Variants in SOBP observed in about 807,000 individuals in gnomAD.
SOBP encodes the protein sine oculis-binding protein homolog.
Under a neutral mutation model 53.6 loss-of-function variants are expected in SOBP, and 4 were observed. The observed-to-expected ratio is 0.07, with a 90% CI of 0.04 to 0.17. The LOEUF is 0.17. SOBP is among the 10% of genes least tolerant of loss of function. The pLI, the probability that SOBP is intolerant of heterozygous loss-of-function variation, is 1.00. For missense variants in SOBP, 1,088 were observed against 1,204.7 expected (o/e 0.90, Z 1.43); for synonymous variants, 584 against 522.6 (o/e 1.12, Z -1.60).
intron 3 of SOBP, among the ~76,000 whole-genome samples, chr6:107,512,519 T>C (rs1783199951): frequency 6.6e-6 from 1 of 152,214 alleles, no homozygotes; most frequent in African/African-American, 2.4e-5. Context: ...ACAAAGGCCT[T>C]ATAATGGTCT....
chr6:107,502,807 C>G (rs1479924097), intron 1 of SOBP, among the ~76,000 whole-genome samples: 1 of 152,174 alleles, frequency 6.6e-6, no homozygotes, highest in African/African-American at 2.4e-5. Context: ...GTTGCCCAGG[C>G]TGGAGTGCAG....
At chr6:107,496,769 T>G (rs1347511385) in intron 1 of SOBP, among the ~76,000 whole-genome samples, 1 of 152,184 alleles carries the variant, frequency 6.6e-6, no homozygotes, top group East Asian at 1.9e-4. Context: ...GGGTCATCTG[T>G]GGGGGTGGCT....
rs200681158 is a variant in SOBP at position 107,509,406 on chromosome 6, A to C, written c.421+2979A>C. Among the ~76,000 whole-genome samples the C allele has an allele frequency of 9.1e-3, 1,379 of 151,778 alleles. 26 individuals carry two copies. The highest frequency in any genetic ancestry group is 0.019 in the African/African-American group (779 of 41,442). On this transcript the variant is annotated intron_variant, in intron 3 of 6. Transcript: ENST00000317357. ...TGAAACTCCTGTCTCAAAAAAAAAA[A>C]AAAACAAAACAAAAAAGAAAATGTG... is the stretch of plus-strand genomic sequence containing the variant.
intron 3 of SOBP, among the ~76,000 whole-genome samples, chr6:107,526,614 G>A (rs1286551034): frequency 1.3e-5 from 2 of 152,140 alleles, no homozygotes; most frequent in Non-Finnish European, 2.9e-5. Context: ...CATAAAATGA[G>A]CCACACACCT....
At chr6:107,507,702 G>T (rs1189534273) in intron 3 of SOBP, among the ~76,000 whole-genome samples, 3 of 152,126 alleles carry the variant, frequency 2.0e-5, no homozygotes, top group African/African-American at 7.2e-5. Flanking sequence ...GTGGCCCAGG[G>T]AAGCCCAAAG....
At chr6:107,609,194 ATTG>A (rs1286075837) in intron 5 of SOBP, among the ~76,000 whole-genome samples, 1 of 152,300 alleles carries the variant, frequency 6.6e-6, no homozygotes, top group South Asian at 2.1e-4. Context: ...TAGATGTACT[ATTG>A]TTGTAGTATC....
intron 5 of SOBP, among the ~76,000 whole-genome samples, chr6:107,616,555 C>T (rs1786797881): frequency 6.6e-6 from 1 of 152,136 alleles, no homozygotes; most frequent in Non-Finnish European, 1.5e-5. Context: ...CACTTTGAAT[C>T]TTACATCTTT....
intron 4 of SOBP, among the ~76,000 whole-genome samples, chr6:107,569,050 G>T (rs988662286): frequency 6.6e-6 from 1 of 152,120 alleles, no homozygotes; most frequent in Non-Finnish European, 1.5e-5. Context: ...AAATCTATTT[G>T]GGGGGCAGGT....
intron 5 of SOBP, among the ~76,000 whole-genome samples, chr6:107,596,768 C>G (rs1785961589): frequency 6.6e-6 from 1 of 152,142 alleles, no homozygotes; most frequent in African/African-American, 2.4e-5. Context: ...CTCAATAAAA[C>G]AAGCTATAGA....
chr6:107,494,973 C>CAG (rs1163584963), intron 1 of SOBP, among the ~76,000 whole-genome samples: 1 of 152,118 alleles, frequency 6.6e-6, no homozygotes, highest in Admixed American at 6.5e-5. Context: ...AGAGAGAAAT[C>CAG]AGAGCATGGA....
intron 4 of SOBP, among the ~76,000 whole-genome samples, chr6:107,535,829 G>A (rs1295629078): frequency 6.6e-6 from 1 of 152,008 alleles, no homozygotes; most frequent in Non-Finnish European, 1.5e-5. Flanking sequence ...CTAATGGATT[G>A]TATTAGATAC....
rs1402743280 is a variant in SOBP at position 107,490,730 on chromosome 6, G to A, written c.96+18G>A. The A allele has an allele frequency of 1.9e-6, 3 of 1,555,384 alleles. No individual in the cohort carries two copies. The highest frequency in any genetic ancestry group is 1.2e-5 in the South Asian group (1 of 85,980). Reference sequence around the variant, plus strand: ...AGATGAAGGTATTTTTTGATCTCGGGGGCCAGGGAGACTGAGCTCTTTCTT... The same window carrying A: ...AGATGAAGGTATTTTTTGATCTCGGAGGCCAGGGAGACTGAGCTCTTTCTT... On this transcript the variant is annotated intron_variant, in intron 1 of 6. Coordinates refer to ENST00000317357, the MANE Select transcript of SOBP (RefSeq NM_018013.4).
At chr6:107,649,892 C>T (rs1224129765) in intron 6 of SOBP, among the ~76,000 whole-genome samples, 1 of 152,058 alleles carries the variant, frequency 6.6e-6, no homozygotes. Context: ...GGTTCTTCGC[C>T]CCTCAGAAAC....
rs557053278 is a variant in SOBP at position 107,569,369 on chromosome 6, C to G, written c.574-17711C>G. Among the ~76,000 whole-genome samples the G allele has an allele frequency of 1.2e-4, 19 of 152,256 alleles. 1 individual carries two copies. In the South Asian group the frequency reaches 2.9e-3, roughly 23 times the overall value. Reference sequence around the variant, plus strand: ...TCAAACGTTCTGAAAAATAAAGCACCAGTGGATACAGGCAGAGGTTTCCCA... The same window carrying G: ...TCAAACGTTCTGAAAAATAAAGCACGAGTGGATACAGGCAGAGGTTTCCCA... On this transcript the variant is annotated intron_variant, in intron 4 of 6. Transcript: ENST00000317357.
intron 3 of SOBP, among the ~76,000 whole-genome samples, chr6:107,531,248 TCTC>T (rs1783816279): frequency 6.6e-6 from 1 of 152,206 alleles, no homozygotes; most frequent in Non-Finnish European, 1.5e-5. Context: ...GGAAGTGGGG[TCTC>T]CTCATTAAAC....
chr6:107,505,034 T>G (rs1782943069), intron 2 of SOBP, among the ~76,000 whole-genome samples: 2 of 152,238 alleles, frequency 1.3e-5, no homozygotes, highest in African/African-American at 4.8e-5. Flanking sequence ...GTGATTCACA[T>G]GCAAGGATAC....
At chr6:107,631,969 C>T (rs4946842) in intron 5 of SOBP, among the ~76,000 whole-genome samples, 81,522 of 152,156 alleles carry the variant, frequency 0.54, 25,300 homozygotes, top group Middle Eastern at 0.77. Flanking sequence ...CGTGTTCGCC[C>T]ATGATCACAT....
intron 3 of SOBP, among the ~76,000 whole-genome samples, chr6:107,518,267 C>A (rs1275761364): frequency 6.6e-6 from 1 of 152,110 alleles, no homozygotes; most frequent in African/African-American, 2.4e-5. Flanking sequence ...TCATTAGGGA[C>A]ATCAGATTTA....
In SOBP at chr6:107,659,285, T is replaced by C. The variant is rs988455322; in HGVS notation, c.*1082T>C. 2 of 152,622 alleles carry C rather than the reference T, an allele frequency of 1.3e-5. No individual in the cohort carries two copies. Among genetic ancestry groups the C allele is most frequent in the African/African-American group, 4.8e-5 (2 of 41,446 alleles). 9.5% of individuals were successfully genotyped at this position (152,622 alleles called of 1,614,324 possible). The stretch of plus-strand genomic sequence containing the variant: ...CCATGATTCTGTTTCACTGTTTGCT[T>C]TCTCCTGTCATGGTTAAGAGAAATG... On this transcript the variant is annotated 3_prime_UTR_variant, in exon 7 of 7. Transcript: ENST00000317357.
Sources: allele counts gnomAD v4.1 joint callset (sites outside exome capture counted in the v4.1 genomes callset), GRCh38; gene constraint gnomAD v4.1.1; transcripts MANE v1.5; gene names NCBI Gene and HGNC (gene_info 2026-07-23, HGNC 2026-07-21).